Variants in CAB39 observed in about 807,000 individuals in gnomAD.
CAB39 encodes calcium-binding protein 39.
In CAB39, 8 loss-of-function variants were observed where a neutral mutation model predicts 40.0. That is an observed-to-expected ratio of 0.20 (90% CI 0.12 to 0.36). The LOEUF (loss-of-function observed/expected upper bound fraction) is 0.36, where lower values mean the gene tolerates loss of function less well. CAB39 is among the 10% of genes least tolerant of loss of function. The probability of loss-of-function intolerance (pLI) is 1.00; values close to 1 mark genes in which losing one functional copy is unlikely to be tolerated. For missense variants in CAB39, 270 were observed against 401.1 expected (o/e 0.67, Z 2.79); for synonymous variants, 156 against 141.6 (o/e 1.10, Z -0.72).
At position 230,819,301 on chromosome 2, in the gene CAB39, T is replaced by C. The variant is rs1395520682; in HGVS notation, c.*597T>C. ...CTCATAAGATCATAAGGAAAATGTA[T>C]ATATGCTTTTCACAGCTTTCTAGAA... On this transcript the variant is annotated 3_prime_UTR_variant, in exon 9 of 9. Coordinates refer to ENST00000258418, the MANE Select transcript of CAB39 (RefSeq NM_016289.4). 1 of 152,632 alleles carries C rather than the reference T, an allele frequency of 6.6e-6. No individual in the cohort carries two copies. The highest frequency in any genetic ancestry group is 2.4e-5 in the African/African-American group (1 of 41,468). The allele number at this position is 152,632 out of a possible 1,614,324, so 9.5% of individuals were successfully genotyped here. A position where few individuals can be genotyped will look rare whatever the true frequency, so the allele number is the denominator to read the frequency against.
intron 2 of CAB39, among the ~76,000 whole-genome samples, chr2:230,765,262 T>C (rs1444869869): frequency 1.3e-5 from 2 of 152,208 alleles, no homozygotes; most frequent in Non-Finnish European, 2.9e-5. Context: ...GGACTGACTT[T>C]TTTTAACTGA....
intron 5 of CAB39, among the ~76,000 whole-genome samples, chr2:230,805,264 G>T (rs1019917840): frequency 2.0e-5 from 3 of 152,002 alleles, no homozygotes; most frequent in Admixed American, 6.6e-5. Context: ...GTGGCGGGGT[G>T]GGGGAGGGAT....
chr2:230,806,425 C>T (rs1559617412), intron 5 of CAB39, among the ~76,000 whole-genome samples: 2 of 152,136 alleles, frequency 1.3e-5, no homozygotes, highest in Non-Finnish European at 2.9e-5. Flanking sequence ...TCTCACTCCA[C>T]TATGAGCTTA....
rs146755738 is a variant in CAB39 at position 230,818,619 on chromosome 2, C to A, written c.941C>A (p.Thr314Lys). Residue 314 changes from threonine to lysine, a missense_variant, in exon 9 of 9, where the codon ACG (threonine) becomes AAG (lysine). Coordinates refer to ENST00000258418, the MANE Select transcript of CAB39 (RefSeq NM_016289.4). ...EFLSKFQNDR[T>K]EDEQFNDEKT... ...CTCAGCAAGTTTCAGAACGACAGGA[C>A]GGAGGATGAGCAGTTTAACGACGAG... The A allele has an allele frequency of 1.2e-6, 2 of 1,613,942 alleles. No homozygotes were observed. The highest frequency in any genetic ancestry group is 1.7e-6 in the Non-Finnish European group (2 of 1,179,938).
intron 1 of CAB39, among the ~76,000 whole-genome samples, chr2:230,748,831 A>ATATATATATATATATATAT (rs1553669220): frequency 3.5e-5 from 1 of 28,508 alleles, no homozygotes; most frequent in African/African-American, 1.3e-4. Context: ...AAAAAAAAAA[A>ATATATATATATATATATAT]ATATATATAT....
intron 2 of CAB39, among the ~76,000 whole-genome samples, chr2:230,788,930 C>T (rs1315135743): frequency 6.6e-6 from 1 of 152,204 alleles, no homozygotes; most frequent in Non-Finnish European, 1.5e-5. Flanking sequence ...TATGGAATTA[C>T]AATTTTTATT....
chr2:230,763,454 C>T (rs1173465480), intron 2 of CAB39, among the ~76,000 whole-genome samples: 1 of 151,818 alleles, frequency 6.6e-6, no homozygotes, highest in Non-Finnish European at 1.5e-5. Flanking sequence ...TAGCCAGGCA[C>T]GGTGGCACAC....
chr2:230,814,168 TG>T, intron 7 of CAB39, 54 bp downstream of exon 7: 1 of 881,166 alleles, frequency 1.1e-6, no homozygotes. Flanking sequence ...GTTTGAAATG[TG>T]GATTTGGGGA....
At chr2:230,811,342 C>T (rs1416452230) in intron 6 of CAB39, among the ~76,000 whole-genome samples, 3 of 152,140 alleles carry the variant, frequency 2.0e-5, no homozygotes, top group Non-Finnish European at 4.4e-5. Flanking sequence ...CCTCCACTCC[C>T]AGTAAGAACA....
intron 2 of CAB39, among the ~76,000 whole-genome samples, chr2:230,782,527 A>T (rs146312940): frequency 2.0e-5 from 3 of 152,146 alleles, no homozygotes; most frequent in Non-Finnish European, 4.4e-5. Flanking sequence ...TATTCAAGCA[A>T]GTCTGAAATG....
chr2:230,753,486 G>A (rs1007139628), intron 1 of CAB39, among the ~76,000 whole-genome samples: 1 of 152,104 alleles, frequency 6.6e-6, no homozygotes, highest in African/African-American at 2.4e-5. Flanking sequence ...CAGACGTGGT[G>A]GCTCACACCT....
At chr2:230,726,538 C>T (rs1213699876) in intron 1 of CAB39, among the ~76,000 whole-genome samples, 1 of 152,008 alleles carries the variant, frequency 6.6e-6, no homozygotes, top group Non-Finnish European at 1.5e-5. Flanking sequence ...TGCTTTGGCA[C>T]ATAAGTCACA....
chr2:230,763,193 T>C (rs1695325756), intron 2 of CAB39, among the ~76,000 whole-genome samples: 1 of 152,220 alleles, frequency 6.6e-6, no homozygotes, highest in Admixed American at 6.5e-5. Context: ...TGTTTTAAGT[T>C]TTGAAAATCT....
At chr2:230,762,175 T>C (rs982101343) in intron 2 of CAB39, among the ~76,000 whole-genome samples, 1 of 152,198 alleles carries the variant, frequency 6.6e-6, no homozygotes, top group African/African-American at 2.4e-5. Flanking sequence ...CCCAAAGTGC[T>C]GGGATTACAG....
At chr2:230,761,060 A>AT (rs60147780) in intron 2 of CAB39, among the ~76,000 whole-genome samples, 21,986 of 142,952 alleles carry the variant, frequency 0.15, 2,373 homozygotes, top group African/African-American at 0.32. Context: ...CAGAGTTTGG[A>AT]TTTTTTTTTT....
At chr2:230,726,804 C>A (rs528163140) in intron 1 of CAB39, among the ~76,000 whole-genome samples, 70 of 151,680 alleles carry the variant, frequency 4.6e-4, no homozygotes, top group Non-Finnish European at 8.4e-4. Context: ...AGAGGGCAAC[C>A]CTTCCCTACA....
chr2:230,751,353 T>C (rs868776484), intron 1 of CAB39, among the ~76,000 whole-genome samples: 2 of 152,182 alleles, frequency 1.3e-5, no homozygotes, highest in Non-Finnish European at 2.9e-5. Flanking sequence ...CACACCAGAA[T>C]GTTGTCTTGA....
intron 5 of CAB39, among the ~76,000 whole-genome samples, chr2:230,803,359 C>G (rs1485138299): frequency 6.6e-6 from 1 of 152,150 alleles, no homozygotes; most frequent in African/African-American, 2.4e-5. Flanking sequence ...ACAGGGATGC[C>G]CTCTCTCACC....
intron 1 of CAB39, among the ~76,000 whole-genome samples, chr2:230,750,513 A>G (rs1192232791): frequency 1.3e-5 from 2 of 152,170 alleles, no homozygotes; most frequent in African/African-American, 4.8e-5. Flanking sequence ...CCAAATTTCA[A>G]CTGCTTCTTA....
Sources: gnomAD v4.1 joint callset for allele counts (sites outside exome capture counted in the v4.1 genomes callset) on GRCh38, gnomAD v4.1.1 for gene constraint, MANE v1.5 for transcripts, NCBI Gene and HGNC (gene_info 2026-07-23, HGNC 2026-07-21) for gene names.